Variants in HYOU1 observed in about 807,000 individuals in gnomAD.
HYOU1 encodes the protein hypoxia up-regulated protein 1.
A neutral mutation model predicts 120.5 loss-of-function variants in HYOU1; 40 were observed. The observed-to-expected ratio is 0.33, with a 90% CI of 0.26 to 0.43. The LOEUF (loss-of-function observed/expected upper bound fraction) is 0.43. Among genes scored for constraint, HYOU1 ranks in the 20% least tolerant of loss-of-function variants. HYOU1 has a pLI of 1.00. For missense variants in HYOU1, 1,085 were observed against 1,278.3 expected, an observed-to-expected ratio of 0.85 and a Z score of 2.31; for synonymous variants, 501 against 479.4, an observed-to-expected ratio of 1.05 and a Z score of -0.59.
rs776055587 is a variant in HYOU1, at chr11:119,055,432, C to G, written c.264+61G>C. On this transcript the variant is annotated intron_variant, in intron 4 of 25. Transcript: ENST00000617285. This position sits in a 1 kb window ranked among gnomAD's most constrained non-coding sequence, Gnocchi z 4.0. ...ACAGAGACTGATAAGGAAACAGACT[C>G]TGGGGGCTGCCATCTCCTCTCCTCT... 1.2e-6 allele frequency: 2 copies of G among 1,608,012 alleles called. No individual in the cohort carries two copies. The highest frequency in any genetic ancestry group is 2.7e-5 in the African/African-American group (2 of 74,756).
Position 119,055,803 on chromosome 11 carries a change from G to T in HYOU1, c.132C>A (p.Ser44=). ...AVMSVDLGSE[S]MKVAIVKPGV... ...CAGGTTTGACAATGGCCACCTTCATGGACTCACTGCCCAGGTCCACAGACA... is the reference window on the plus strand; with the variant it reads ...CAGGTTTGACAATGGCCACCTTCATTGACTCACTGCCCAGGTCCACAGACA... Residue 44 remains serine (S), a synonymous_variant, in exon 3 of 26, where the codon TCC becomes TCA. Transcript: ENST00000617285. The surrounding 1 kb of genome is among the most constrained non-coding windows in gnomAD (Gnocchi z 4.0). 1 of 1,614,108 alleles carries T rather than the reference G, an allele frequency of 6.2e-7. No homozygotes were observed. Among genetic ancestry groups the T allele is most frequent in the Non-Finnish European group, 8.5e-7 (1 of 1,179,976 alleles).
Position 119,051,603 on chromosome 11 carries a change from T to C in HYOU1, c.1361A>G (p.Glu454Gly). Residue 454 changes from glutamate (E) to glycine (G), a missense_variant, in exon 13 of 26, where the codon GAG becomes GGG. By Grantham distance (98) the Glu-to-Gly change is moderately conservative (BLOSUM62 -2). Around this residue, in one of 4 missense-constraint regions of HYOU1, gnomAD observed 515 missense variants for 677.8 expected, o/e 0.76. Transcript: ENST00000617285. This position sits in a 1 kb window ranked among gnomAD's most constrained non-coding sequence, Gnocchi z 4.2. ...CAGGCTGTGAATCCCAGGCTCCTCC[T>C]CCACCTCCCTCGTGAACTCCACCTA... The part of the protein sequence containing the change: ...PILVEFTREV[E>G]EEPGIHSLKH... The C allele has an allele frequency of 6.2e-7, 1 of 1,613,952 alleles. No individual in the cohort carries two copies. Among genetic ancestry groups the C allele is most frequent in the Non-Finnish European group, 8.5e-7 (1 of 1,179,982 alleles).
rs2133605289 is a variant in HYOU1 at position 119,054,501 on chromosome 11, G to A, written c.671C>T (p.Thr224Ile). 6.2e-7 allele frequency: 1 copy of A among 1,614,160 alleles called. No homozygotes were observed. Among genetic ancestry groups the A allele is most frequent in the African/African-American group, 1.3e-5 (1 of 75,056 alleles). Residue 224 changes from threonine (T) to isoleucine (I), a missense_variant, in exon 7 of 26, where the codon ACT becomes ATT. By Grantham distance (89) the Thr-to-Ile change is moderately conservative (BLOSUM62 -1). Around this residue, in one of 4 missense-constraint regions of HYOU1, gnomAD observed 515 missense variants for 677.8 expected, o/e 0.76. Coordinates refer to ENST00000617285, the MANE Select transcript of HYOU1 (RefSeq NM_006389.5). Reference protein sequence around the residue: ...GVFRRKDINTTAQNIMFYDMG... With the variant: ...GVFRRKDINTIAQNIMFYDMG... Reference sequence around the variant, plus strand: ...AAGGCTCCCCTGGCTCACCTGGGCAGTGGTGTTAATATCTTTCCGGCGGAA... The same window carrying A: ...AAGGCTCCCCTGGCTCACCTGGGCAATGGTGTTAATATCTTTCCGGCGGAA...
In HYOU1 at chr11:119,045,324, T is replaced by C; in HGVS notation, c.*269A>G. 3.3e-6 allele frequency: 2 copies of C among 613,798 alleles called. No individual in the cohort carries two copies. Among genetic ancestry groups the C allele is most frequent in the Middle Eastern group, 4.1e-4 (1 of 2,454 alleles). 38.0% of individuals were successfully genotyped at this position (613,798 alleles called of 1,614,324 possible). A position where few individuals can be genotyped will look rare whatever the true frequency, so the allele number is the denominator to read the frequency against. ...AGGCAAAGGATTCAGAAATTAATAG[T>C]GATTTTTCCCAAATTTAGGGCCTAT... On this transcript the variant is annotated 3_prime_UTR_variant, in exon 26 of 26. Transcript: ENST00000617285.
In HYOU1 at chr11:119,055,403, C is replaced by T. The variant is rs1944694884; in HGVS notation, c.265-64G>A. The T allele has an allele frequency of 6.2e-7, 1 of 1,607,212 alleles. No individual in the cohort carries two copies. Among genetic ancestry groups the T allele is most frequent in the Non-Finnish European group, 8.5e-7 (1 of 1,174,430 alleles). ...CAAGTCCACCATTACCTACCTCTTA[C>T]ATCACAGAGACTGATAAGGAAACAG... On this transcript the variant is annotated intron_variant, in intron 4 of 25. Transcript: ENST00000617285. The surrounding 1 kb of genome is among the most constrained non-coding windows in gnomAD (Gnocchi z 4.0).
rs1223894687 is a variant in HYOU1, at chr11:119,048,148, CCTT to C, written c.2377-71_2377-69del. 6.2e-7 allele frequency: 1 copy of C among 1,611,550 alleles called. No homozygotes were observed. Among genetic ancestry groups the C allele is most frequent in the Admixed American group, 1.7e-5 (1 of 59,970 alleles). On this transcript the variant is annotated intron_variant, in intron 20 of 25. Coordinates refer to ENST00000617285, the MANE Select transcript of HYOU1 (RefSeq NM_006389.5). The surrounding 1 kb of genome is among the most constrained non-coding windows in gnomAD (Gnocchi z 4.7). Reference sequence around the variant, plus strand: ...GCAGAGCCTGGAGTCAGCCCCATGTCCTTCTTTATGGGCTCAAGCCCCAGCTCT... The same window carrying C: ...GCAGAGCCTGGAGTCAGCCCCATGTCCTTTATGGGCTCAAGCCCCAGCTCT...
In HYOU1 at chr11:119,051,737, A is replaced by G; in HGVS notation, c.1338+82T>C. The G allele has an allele frequency of 1.9e-6, 3 of 1,601,394 alleles. No individual in the cohort carries two copies. The highest frequency in any genetic ancestry group is 2.6e-6 in the Non-Finnish European group (3 of 1,170,124). ...GACCTCTTAGCAGAAAGACAAAGGG[A>G]TGAGCCAGAGCAGACAGAAGGGGAA... On this transcript the variant is annotated intron_variant, in intron 12 of 25. Coordinates refer to ENST00000617285, the MANE Select transcript of HYOU1 (RefSeq NM_006389.5). This position sits in a 1 kb window ranked among gnomAD's most constrained non-coding sequence, Gnocchi z 4.2.
chr11:119,046,920 C>G, intron 22 of HYOU1, 118 bp from the exon 23 acceptor site: 1 of 1,356,942 alleles, frequency 7.4e-7, no homozygotes, highest in Non-Finnish European at 1.0e-6. Flanking sequence ...CACTGCCACC[C>G]CTGGCCTCAG....
At position 119,051,386 on chromosome 11, in the gene HYOU1, C is replaced by A; in HGVS notation, c.1526+52G>T. The A allele has an allele frequency of 6.3e-7, 1 of 1,583,590 alleles. No individual in the cohort carries two copies. The highest frequency in any genetic ancestry group is 2.2e-5 in the East Asian group (1 of 44,736). ...CACCCCCAGTCCTCAGATTATCCAG[C>A]AGCCACGCCTCCCCCTCCCTGGAGC... On this transcript the variant is annotated intron_variant, in intron 13 of 25. Transcript: ENST00000617285. The surrounding 1 kb of genome is among the most constrained non-coding windows in gnomAD (Gnocchi z 4.2).
rs1944245082 is a variant in HYOU1, at chr11:119,048,879, C to G, written c.2000G>C (p.Ser667Thr). The change falls in exon 18 of 26, where the codon AGT becomes ACT. Residue 667 changes from serine to threonine, a missense_variant. Ser to Thr is a moderately conservative substitution (Grantham distance 58). Coordinates refer to ENST00000617285, the MANE Select transcript of HYOU1 (RefSeq NM_006389.5). This position sits in a 1 kb window ranked among gnomAD's most constrained non-coding sequence, Gnocchi z 4.7. ...CTCAGGCCCTGCCTCTGCCTTCTCA[C>G]TTGGTTTCTGGGTGGGAAGAGTCAG... The part of the protein sequence containing the change: ...NGDKSEAQKP[S>T]EKAEAGPEGV... 2 of 1,606,332 alleles carry G rather than the reference C, an allele frequency of 1.2e-6. No individual in the cohort carries two copies. The highest frequency in any genetic ancestry group is 1.7e-6 in the Non-Finnish European group (2 of 1,176,676).
In HYOU1 at chr11:119,048,311, G is replaced by A; in HGVS notation, c.2313C>T (p.Ile771=). 1 of 1,611,084 alleles carries A rather than the reference G, an allele frequency of 6.2e-7. No homozygotes were observed. The highest frequency in any genetic ancestry group is 8.5e-7 in the Non-Finnish European group (1 of 1,179,986). ...TGGATGCGGCGCTGAGCTTCCCAGAGATCTCCTCACGCTGCTCCTCTGTGG... is the reference window on the plus strand; with the variant it reads ...TGGATGCGGCGCTGAGCTTCCCAGAAATCTCCTCACGCTGCTCCTCTGTGG... The part of the protein sequence containing the change: ...EVSTEEQREE[I]SGKLSAASTW... The change falls in exon 20 of 26, where the codon ATC becomes ATT. Residue 771 remains isoleucine, a synonymous_variant. Coordinates refer to ENST00000617285, the MANE Select transcript of HYOU1 (RefSeq NM_006389.5). This position sits in a 1 kb window ranked among gnomAD's most constrained non-coding sequence, Gnocchi z 4.7.
chr11:119,056,863 G>C (rs893951191), intron 1 of HYOU1, 157 bp downstream of exon 1: 1 of 167,768 alleles, frequency 6.0e-6, no homozygotes, highest in African/African-American at 2.4e-5. Flanking sequence ...CCAGCAAGTG[G>C]GGACAGACCG....
chr11:119,050,938 T>C, intron 14 of HYOU1, 97 bp downstream of exon 14: 1 of 1,418,150 alleles, frequency 7.1e-7, no homozygotes, highest in Non-Finnish European at 9.6e-7. Flanking sequence ...AAACCTTTTT[T>C]GGTTATCTTA....
chr11:119,048,680 C>T lies in HYOU1; in HGVS notation c.2165+34G>A. On this transcript the variant is annotated intron_variant, in intron 18 of 25. Coordinates refer to ENST00000617285, the MANE Select transcript of HYOU1 (RefSeq NM_006389.5). This position sits in a 1 kb window ranked among gnomAD's most constrained non-coding sequence, Gnocchi z 4.7. Reference sequence around the variant, plus strand: ...CCACATCCTGCCCACCTTGCACACACATGTACACACACACACCAGCTGTCC... The same window carrying T: ...CCACATCCTGCCCACCTTGCACACATATGTACACACACACACCAGCTGTCC... 6.2e-7 allele frequency: 1 copy of T among 1,606,616 alleles called. No individual in the cohort carries two copies. Among genetic ancestry groups the T allele is most frequent in the Non-Finnish European group, 8.5e-7 (1 of 1,175,960 alleles).
At chr11:119,054,330 C>T in intron 7 of HYOU1, 94 bp from the exon 8 acceptor site, 1 of 1,240,050 alleles carries the variant, frequency 8.1e-7, no homozygotes, top group Non-Finnish European at 1.2e-6. Flanking sequence ...CTGTCTGACT[C>T]TTAACACAAA....
intron 15 of HYOU1, 39 bp downstream of exon 15, chr11:119,049,738 G>C: frequency 6.2e-7 from 1 of 1,609,550 alleles, no homozygotes; most frequent in East Asian, 2.2e-5. Flanking sequence ...CTTCACACAA[G>C]TATATTCTCT....
chr11:119,048,881 T>C lies in HYOU1; in HGVS notation c.1998A>G (p.Pro666=). 6.2e-7 allele frequency: 1 copy of C among 1,606,270 alleles called. No individual in the cohort carries two copies. The highest frequency in any genetic ancestry group is 8.5e-7 in the Non-Finnish European group (1 of 1,176,590). The change falls in exon 18 of 26, where the codon CCA becomes CCG. Residue 666 remains proline, a synonymous_variant. Coordinates refer to ENST00000617285, the MANE Select transcript of HYOU1 (RefSeq NM_006389.5). The surrounding 1 kb of genome is among the most constrained non-coding windows in gnomAD (Gnocchi z 4.7). ...ENGDKSEAQK[P]SEKAEAGPEG... is the part of the protein sequence containing the mutation. ...CAGGCCCTGCCTCTGCCTTCTCACT[T>C]GGTTTCTGGGTGGGAAGAGTCAGGG...
intron 1 of HYOU1, chr11:119,056,783 C>T: frequency 4.6e-6 from 1 of 215,602 alleles, no homozygotes; most frequent in Non-Finnish European, 9.5e-6. Flanking sequence ...TAGCCGTTAC[C>T]CGGTGTTCAC....
chr11:119,055,217 T>G lies in HYOU1; in HGVS notation c.387A>C (p.Pro129=), dbSNP rs2133611259. 4 of 1,613,988 alleles carry G rather than the reference T, an allele frequency of 2.5e-6. No homozygotes were observed. The African/African-American group carries it at 4.0e-5, about 16-fold the overall frequency. Residue 129 remains proline, a synonymous_variant, in exon 5 of 26, where the codon CCA becomes CCC. Coordinates refer to ENST00000617285, the MANE Select transcript of HYOU1 (RefSeq NM_006389.5). The surrounding 1 kb of genome is among the most constrained non-coding windows in gnomAD (Gnocchi z 4.0). ...RFPEHELTFD[P]QRQTVHFQIS... is the part of the protein sequence containing the mutation. Reference sequence around the variant, plus strand: ...TCTGAAAGTGCACAGTCTGCCTCTGTGGGTCGAAAGTCAGCTCGTGCTCCG... The same window carrying G: ...TCTGAAAGTGCACAGTCTGCCTCTGGGGGTCGAAAGTCAGCTCGTGCTCCG...
Sources: allele counts gnomAD v4.1 joint callset, GRCh38; gene constraint gnomAD v4.1.1; regional missense constraint gnomAD v4.1.1; non-coding constraint Gnocchi (gnomAD v3.1); transcripts MANE v1.5; gene names NCBI Gene and HGNC (gene_info 2026-07-23, HGNC 2026-07-21).